The following NAALADL2 variants were observed in gnomAD, a reference collection of about 807,000 sequenced individuals.
The protein encoded by NAALADL2 is N-acetylated alpha-linked acidic dipeptidase like 2, also known as inactive N-acetylated-alpha-linked acidic dipeptidase-like protein 2.
A neutral mutation model predicts 87.2 loss-of-function variants in NAALADL2; 76 were observed. The ratio of observed to expected loss-of-function variants is 0.87; its 90% CI spans 0.72 to 1.05. The LOEUF is 1.05. NAALADL2 is among the 50% of genes least tolerant of loss of function. The pLI, the probability that NAALADL2 is intolerant of heterozygous loss-of-function variation, is 0.00. For synonymous variants in NAALADL2, 354 were observed against 331.0 expected (o/e 1.07, Z -0.75); for missense variants, 1,089 against 945.8 (o/e 1.15, Z -1.99).
chr3:175,682,322 G>T (rs1735703082), intron 11 of NAALADL2, among the ~76,000 whole-genome samples: 1 of 151,860 alleles, frequency 6.6e-6, no homozygotes, highest in Non-Finnish European at 1.5e-5. Flanking sequence ...TAGATTAAAA[G>T]TAGATAGAAA....
intron 9 of NAALADL2, among the ~76,000 whole-genome samples, chr3:175,557,616 T>G (rs1206175780): frequency 6.6e-6 from 1 of 152,120 alleles, no homozygotes. Flanking sequence ...TTCAATTATT[T>G]TAATTTTTAG....
chr3:175,310,512 A>G (rs1758232641), intron 4 of NAALADL2, among the ~76,000 whole-genome samples: 1 of 151,972 alleles, frequency 6.6e-6, no homozygotes, highest in South Asian at 2.1e-4. Flanking sequence ...ACCTTTAGAG[A>G]TATTTTATAC....
At chr3:174,757,037 A>T (rs964987196) in intron 3 of NAALADL2, among the ~76,000 whole-genome samples, 3 of 152,236 alleles carry the variant, frequency 2.0e-5, no homozygotes, top group Admixed American at 1.3e-4. Flanking sequence ...CATTAATTGC[A>T]AAATAATTGT....
intron 5 of NAALADL2, among the ~76,000 whole-genome samples, chr3:175,410,359 T>G (rs1184863830): frequency 1.3e-5 from 2 of 152,202 alleles, no homozygotes; most frequent in East Asian, 1.9e-4. Flanking sequence ...AAGTTTCATT[T>G]AAAAGATTCC....
chr3:175,021,676 C>T (rs1751578619), intron 1 of NAALADL2, among the ~76,000 whole-genome samples: 1 of 152,024 alleles, frequency 6.6e-6, no homozygotes. Context: ...GCAAACCTGC[C>T]TTTTATAACT....
At chr3:175,157,887 C>T (rs1278725850) in intron 2 of NAALADL2, among the ~76,000 whole-genome samples, 2 of 152,004 alleles carry the variant, frequency 1.3e-5, no homozygotes, top group African/African-American at 2.4e-5. Context: ...CCTACCTGGT[C>T]ATGAATGGAC....
At chr3:174,724,949 T>C (rs1486090904) in intron 2 of NAALADL2, among the ~76,000 whole-genome samples, 3 of 152,208 alleles carry the variant, frequency 2.0e-5, no homozygotes, top group Non-Finnish European at 4.4e-5. Flanking sequence ...ATTCAGATTC[T>C]GTTTCTGGTG....
At chr3:174,934,202 T>A (rs923135786) in intron 1 of NAALADL2, among the ~76,000 whole-genome samples, 1 of 152,210 alleles carries the variant, frequency 6.6e-6, no homozygotes, top group East Asian at 1.9e-4. Context: ...TTCTAGCACC[T>A]AAAGTAGGAT....
chr3:175,086,734 T>C (rs1560007602), intron 1 of NAALADL2, among the ~76,000 whole-genome samples: 1 of 152,138 alleles, frequency 6.6e-6, no homozygotes, highest in Non-Finnish European at 1.5e-5. Flanking sequence ...TTGCTCATTA[T>C]AGTCTTTAGT....
At chr3:175,043,696 G>C (rs1173342263) in intron 1 of NAALADL2, among the ~76,000 whole-genome samples, 1 of 152,038 alleles carries the variant, frequency 6.6e-6, no homozygotes, top group East Asian at 1.9e-4. Flanking sequence ...TAAAAGCATG[G>C]GTTTATTTCT....
chr3:175,791,037 A>C (rs549023188), intron 13 of NAALADL2, among the ~76,000 whole-genome samples: 1 of 152,294 alleles, frequency 6.6e-6, no homozygotes, highest in Admixed American at 6.5e-5. Flanking sequence ...AAAGCATCTC[A>C]GTTCCATTGC....
chr3:174,816,282 A>G (rs1161224948), intron 3 of NAALADL2, among the ~76,000 whole-genome samples: 3 of 151,046 alleles, frequency 2.0e-5, no homozygotes, highest in Non-Finnish European at 4.4e-5. Context: ...ACAGAGAGAG[A>G]GAACAGATAG....
chr3:174,510,796 G>T (rs1719552324), intron 1 of NAALADL2, among the ~76,000 whole-genome samples: 1 of 143,338 alleles, frequency 7.0e-6, no homozygotes, highest in South Asian at 2.3e-4. Flanking sequence ...GCTTAAGCAA[G>T]ATGATTTAAG....
chr3:174,915,290 T>C (rs1352898410), intron 1 of NAALADL2, among the ~76,000 whole-genome samples: 1 of 152,112 alleles, frequency 6.6e-6, no homozygotes, highest in Non-Finnish European at 1.5e-5. Context: ...ATTTTGACAG[T>C]GTTTGAGATT....
intron 5 of NAALADL2, among the ~76,000 whole-genome samples, chr3:175,334,307 A>G (rs749758184): frequency 6.6e-5 from 10 of 152,262 alleles, no homozygotes; most frequent in Non-Finnish European, 1.0e-4. Context: ...ATCCATATTT[A>G]TAGATACTGA....
At chr3:175,260,240 C>T (rs528303153) in intron 4 of NAALADL2, among the ~76,000 whole-genome samples, 1 of 152,156 alleles carries the variant, frequency 6.6e-6, no homozygotes, top group South Asian at 2.1e-4. Context: ...TGATAATTTT[C>T]CTTCTAGGCC....
rs907080279 is a variant in NAALADL2, at chr3:175,334,432, C to G, written c.1090+10107C>G. ...ATGGCTCTCATGATGATCAATGTAT[C>G]TATTCATTTGTTTATCTTTCCCCCT... On this transcript the variant is annotated intron_variant, in intron 5 of 13. Coordinates refer to ENST00000454872, the MANE Select transcript of NAALADL2 (RefSeq NM_207015.3). Among the ~76,000 whole-genome samples the G allele has an allele frequency of 2.0e-5, 3 of 152,146 alleles. No individual in the cohort carries two copies. In the South Asian group the frequency reaches 6.2e-4, roughly 31 times the overall value.
At chr3:175,284,516 T>TA (rs143256782) in intron 4 of NAALADL2, among the ~76,000 whole-genome samples, 5,289 of 147,776 alleles carry the variant, frequency 0.036, 232 homozygotes, top group African/African-American at 0.1. Flanking sequence ...AGGCCTGATT[T>TA]AAAAAAAAAA....
intron 1 of NAALADL2, among the ~76,000 whole-genome samples, chr3:175,011,315 AG>A (rs1749791340): frequency 6.6e-6 from 1 of 150,882 alleles, no homozygotes; most frequent in African/African-American, 2.5e-5. Context: ...AGAGAGAGAG[AG>A]AGAGACTAAT....
Sources: gnomAD v4.1 joint callset for allele counts (sites outside exome capture counted in the v4.1 genomes callset) on GRCh38, gnomAD v4.1.1 for gene constraint, MANE v1.5 for transcripts, NCBI Gene and HGNC (gene_info 2026-07-23, HGNC 2026-07-21) for gene names.